TNFSF10: variants seen among roughly 807,000 people sequenced by gnomAD.
TNFSF10 encodes tumor necrosis factor ligand superfamily member 10.
A neutral mutation model predicts 29.5 loss-of-function variants in TNFSF10; 13 were observed. The ratio of observed to expected loss-of-function variants is 0.44; its 90% CI spans 0.29 to 0.70. The LOEUF is 0.70. Ranked by LOEUF, TNFSF10 falls within the 30% of genes least tolerant of loss-of-function variation. The pLI is 0.13. For synonymous variants in TNFSF10, 111 were observed against 112.8 expected (o/e 0.98, Z 0.10); for missense variants, 345 against 330.9 (o/e 1.04, Z -0.33).
chr3:172,506,720 C>T lies in TNFSF10; in HGVS notation c.618G>A (p.Met206Ile), dbSNP rs1342358767. ...IKENTKNDKQ[M>I]VQYIYKYTSY... ...TTGTGTATTTGTAAATATATTGGAC[C>T]ATTTGTTTGTCGTTCTTTGTGTTTT... Residue 206 changes from methionine (M) to isoleucine (I), a missense_variant, in exon 5 of 5, where the codon ATG becomes ATA. Coordinates refer to ENST00000241261, the MANE Select transcript of TNFSF10 (RefSeq NM_003810.4). 1 of 1,614,064 alleles carries T rather than the reference C, an allele frequency of 6.2e-7. No individual in the cohort carries two copies. The highest frequency in any genetic ancestry group is 2.2e-5 in the East Asian group (1 of 44,878).
chr3:172,510,394 G>A (rs375425188), intron 3 of TNFSF10, among the ~76,000 whole-genome samples: 2 of 152,240 alleles, frequency 1.3e-5, no homozygotes, highest in African/African-American at 4.8e-5. Context: ...AGTTGAGGCT[G>A]CAGTGAGCCA....
chr3:172,506,762 A>G lies in TNFSF10; in HGVS notation c.576T>C (p.Phe192=). Residue 192 remains phenylalanine (F), a synonymous_variant, in exon 5 of 5, where the codon TTT becomes TTC. Transcript: ENST00000241261. ...TTGTGTTTTCTTTTATTTCCTCCTG[A>G]AATCGAAAGTATGTTTGGGAATAGA... ...YYIYSQTYFR[F]QEEIKENTKN... 1 of 1,614,128 alleles carries G rather than the reference A, an allele frequency of 6.2e-7. No individual in the cohort carries two copies. The highest frequency in any genetic ancestry group is 1.3e-5 in the African/African-American group (1 of 75,020).
At chr3:172,518,216 C>G (rs1289369278) in intron 1 of TNFSF10, 1 of 1,115,930 alleles carries the variant, frequency 9.0e-7, no homozygotes, top group East Asian at 7.4e-5. Flanking sequence ...ATTTGCGTGC[C>G]TCTGAAAAGA....
At chr3:172,522,766 A>T (rs1167510157) in intron 1 of TNFSF10, among the ~76,000 whole-genome samples, 1 of 152,028 alleles carries the variant, frequency 6.6e-6, no homozygotes, top group Non-Finnish European at 1.5e-5. Context: ...TGTCATTGTT[A>T]TTTTTTTCCA....
intron 2 of TNFSF10, among the ~76,000 whole-genome samples, chr3:172,514,514 A>G (rs1713352012): frequency 6.6e-6 from 1 of 152,224 alleles, no homozygotes; most frequent in Non-Finnish European, 1.5e-5. Flanking sequence ...TTTTGAATGA[A>G]AAACAATGCC....
At chr3:172,511,799 GCA>G in intron 2 of TNFSF10, 140 bp from the exon 3 acceptor site, 1 of 661,890 alleles carries the variant, frequency 1.5e-6, no homozygotes, top group Non-Finnish European at 2.6e-6. Context: ...AGTTGGTCAA[GCA>G]TAGGGTCTGT....
At chr3:172,516,079 A>G (rs1268663944) in intron 1 of TNFSF10, among the ~76,000 whole-genome samples, 1 of 152,034 alleles carries the variant, frequency 6.6e-6, no homozygotes, top group African/African-American at 2.4e-5. Flanking sequence ...TGGCTAACCC[A>G]GTGAAACCCC....
At position 172,505,706 on chromosome 3, in the gene TNFSF10, AT is replaced by A. The variant is rs1486200851; in HGVS notation, c.*785del. The A allele has an allele frequency of 5.3e-5, 8 of 151,582 alleles. No individual in the cohort carries two copies. Among genetic ancestry groups the A allele is most frequent in the East Asian group, 1.9e-4 (1 of 5,160 alleles). The allele number at this position is 151,582 out of a possible 1,614,324, so 9.4% of individuals were successfully genotyped here. A position where few individuals can be genotyped will look rare whatever the true frequency, so the allele number is the denominator to read the frequency against. ...CTGTAATAGAATTTTATTGAAAAAA[AT>A]AACACGTACTTACTGAAGTTTTTTT... On this transcript the variant is annotated 3_prime_UTR_variant, in exon 5 of 5. Coordinates refer to ENST00000241261, the MANE Select transcript of TNFSF10 (RefSeq NM_003810.4).
chr3:172,519,703 C>T (rs1460661519), intron 1 of TNFSF10, among the ~76,000 whole-genome samples: 1 of 152,194 alleles, frequency 6.6e-6, no homozygotes, highest in African/African-American at 2.4e-5. Context: ...AAGAGTCTGC[C>T]TCATCCATTT....
Position 172,511,388 on chromosome 3 carries a change from T to G in TNFSF10, c.313+229A>C, listed in dbSNP as rs1015441489. 3.3e-5 allele frequency: 13 copies of G among 389,428 alleles called. 1 individual carries two copies. Among genetic ancestry groups the G allele is most frequent in the African/African-American group, 2.7e-4 (13 of 48,130 alleles). The allele number at this position is 389,428 out of a possible 1,614,324, so 24.1% of individuals were successfully genotyped here. A position where few individuals can be genotyped will look rare whatever the true frequency, so the allele number is the denominator to read the frequency against. Reference sequence around the variant, plus strand: ...GGAAAATTCATGGGGAAGAATAAAATTAAGTTGAAATAAAGTTCTGACCAT... The same window carrying G: ...GGAAAATTCATGGGGAAGAATAAAAGTAAGTTGAAATAAAGTTCTGACCAT... On this transcript the variant is annotated intron_variant, in intron 3 of 4. Transcript: ENST00000241261.
chr3:172,520,000 C>A (rs1713612229), intron 1 of TNFSF10, among the ~76,000 whole-genome samples: 1 of 152,336 alleles, frequency 6.6e-6, no homozygotes, highest in South Asian at 2.1e-4. Context: ...CACGGCCAGC[C>A]TCCAAAGCCT....
chr3:172,511,745 C>G, intron 2 of TNFSF10, 86 bp from the exon 3 acceptor site: 1 of 1,202,128 alleles, frequency 8.3e-7, no homozygotes, highest in Non-Finnish European at 1.2e-6. Context: ...TTGCTGATGT[C>G]TAACAGGAAA....
intron 2 of TNFSF10, among the ~76,000 whole-genome samples, chr3:172,514,179 C>T (rs1278949974): frequency 6.6e-6 from 1 of 152,112 alleles, no homozygotes; most frequent in Non-Finnish European, 1.5e-5. Context: ...AAGGAAGAGC[C>T]TAAGAGAAGA....
intron 2 of TNFSF10, among the ~76,000 whole-genome samples, chr3:172,512,840 T>G (rs1713280816): frequency 6.6e-6 from 1 of 152,250 alleles, no homozygotes; most frequent in Non-Finnish European, 1.5e-5. Flanking sequence ...TGCCCTGCAT[T>G]CAAATGTTTC....
intron 1 of TNFSF10, chr3:172,517,802 G>A: frequency 1.0e-6 from 1 of 982,264 alleles, no homozygotes; most frequent in Non-Finnish European, 1.2e-6. Flanking sequence ...AAATAAAAAG[G>A]AAAAAAAGTA....
rs146521859 is a variant in TNFSF10 at position 172,509,272 on chromosome 3, T to C, written c.363A>G (p.Arg121=). 8.3e-5 allele frequency: 134 copies of C among 1,614,004 alleles called. 1 individual carries two copies. In the Middle Eastern group the frequency reaches 1.7e-3, roughly 20 times the overall value. ...TGGTCCCAGTTATGTGAGCTGCTAC[T>C]CTCTGAGGACCTCTTTCTCTCACTA... ...SPLVRERGPQ[R]VAAHITGTRG... is the part of the protein sequence containing the mutation. The change falls in exon 4 of 5, where the codon AGA becomes AGG. Residue 121 remains arginine, a synonymous_variant. Coordinates refer to ENST00000241261, the MANE Select transcript of TNFSF10 (RefSeq NM_003810.4).
intron 3 of TNFSF10, among the ~76,000 whole-genome samples, chr3:172,510,745 ACCTTT>A: frequency 6.6e-6 from 1 of 151,982 alleles, no homozygotes; most frequent in African/African-American, 2.4e-5. Flanking sequence ...TACTGCTTTC[ACCTTT>A]GGAGAAATGA....
chr3:172,509,976 C>CAAAA (rs11290814), intron 3 of TNFSF10, among the ~76,000 whole-genome samples: 6 of 101,870 alleles, frequency 5.9e-5, no homozygotes, highest in African/African-American at 1.3e-4. Flanking sequence ...AAGACTCCGT[C>CAAAA]AAAAAAAAAA....
intron 2 of TNFSF10, among the ~76,000 whole-genome samples, chr3:172,512,566 G>T (rs1401216592): frequency 6.6e-6 from 1 of 152,186 alleles, no homozygotes; most frequent in Non-Finnish European, 1.5e-5. Flanking sequence ...GGATAATGGG[G>T]GCAGGGAGTG....
Sources: allele counts gnomAD v4.1 joint callset (sites outside exome capture counted in the v4.1 genomes callset), GRCh38; gene constraint gnomAD v4.1.1; transcripts MANE v1.5; gene names NCBI Gene and HGNC (gene_info 2026-07-23, HGNC 2026-07-21).